The following ZNF469 variants were observed in gnomAD, a reference collection of about 807,000 sequenced individuals.
ZNF469 encodes zinc finger protein 469.
ZNF469 carries 1 observed loss-of-function variant against 1.0 expected under a neutral mutation model. The observed-to-expected ratio is 1.00, with a 90% CI of 0.35 to 4.73. The LOEUF (loss-of-function observed/expected upper bound fraction) is 4.73, where lower values mean the gene tolerates loss of function less well. Ranked by LOEUF, ZNF469 falls within the 30% of genes most tolerant of loss-of-function variation. The pLI is 0.16. For synonymous variants in ZNF469, 2,703 were observed against 2,363.4 expected, an observed-to-expected ratio of 1.14 and a Z score of -4.17; for missense variants, 6,100 against 5,356.3, an observed-to-expected ratio of 1.14 and a Z score of -4.33.
the ZNF469 span, among the ~76,000 whole-genome samples, chr16:88,165,084 C>A: frequency 6.6e-6 from 1 of 152,250 alleles, no homozygotes; most frequent in African/African-American, 2.4e-5. Flanking sequence ...GTGTGCCTTT[C>A]ATCCCCTTCA....
rs201834513 is a variant in ZNF469 at position 88,438,895 on chromosome 16, G to A, written c.11425G>A (p.Glu3809Lys). The A allele has an allele frequency of 1.3e-3, 1,967 of 1,550,462 alleles. 2 individuals carry two copies. Among genetic ancestry groups the A allele is most frequent in the Non-Finnish European group, 1.7e-3 (1,895 of 1,146,992 alleles). The change falls in exon 3 of 3, where the codon GAG (glutamate) becomes AAG (lysine). Residue 3809 changes from glutamate to lysine, a missense_variant. Transcript: ENST00000565624. ...GCCCCACGGGAGCCTAGGTCCCAAG[G>A]AGAAGGGAGAGAGCAGTACGAAGAG... The part of the protein sequence containing the change: ...QGPHGSLGPK[E>K]KGESSTKRKK...
the ZNF469 span, among the ~76,000 whole-genome samples, chr16:88,181,197 A>C: frequency 5.3e-5 from 8 of 151,978 alleles, no homozygotes; most frequent in Non-Finnish European, 1.5e-5. Flanking sequence ...CAGCCTCCCG[A>C]ATAGCTGGGA....
the ZNF469 span, among the ~76,000 whole-genome samples, chr16:88,232,939 G>A: frequency 6.6e-6 from 1 of 152,228 alleles, no homozygotes; most frequent in South Asian, 2.1e-4. Flanking sequence ...CCGCCGCCTA[G>A]CAGGCCTGCA....
At chr16:88,400,408 G>T (rs527842189) in intron 1 of ZNF469, among the ~76,000 whole-genome samples, 2 of 152,348 alleles carry the variant, frequency 1.3e-5, no homozygotes, top group East Asian at 3.9e-4. Context: ...GGCCCTGCCG[G>T]CTCACACCTG....
At chr16:88,173,682 T>C in the ZNF469 span, among the ~76,000 whole-genome samples, 1 of 152,168 alleles carries the variant, frequency 6.6e-6, no homozygotes, top group Non-Finnish European at 1.5e-5. Context: ...TCTATGACAA[T>C]AATAGCACAA....
chr16:88,370,845 G>T, the ZNF469 span, among the ~76,000 whole-genome samples: 4 of 152,230 alleles, frequency 2.6e-5, no homozygotes, highest in South Asian at 2.1e-4. Context: ...TAGCAAGTGC[G>T]ATGCAAGTAG....
the ZNF469 span, among the ~76,000 whole-genome samples, chr16:88,337,727 G>A: frequency 2.0e-5 from 3 of 152,298 alleles, no homozygotes; most frequent in Non-Finnish European, 2.9e-5. Flanking sequence ...GGGGCAGCTC[G>A]CCGCAGCTGT....
chr16:88,329,990 G>A, the ZNF469 span, among the ~76,000 whole-genome samples: 10 of 152,344 alleles, frequency 6.6e-5, no homozygotes, highest in East Asian at 1.5e-3. Flanking sequence ...CTGGGTACAG[G>A]CAGAGTGGAA....
At chr16:88,118,255 T>C in the ZNF469 span, among the ~76,000 whole-genome samples, 1 of 152,242 alleles carries the variant, frequency 6.6e-6, no homozygotes, top group Non-Finnish European at 1.5e-5. Context: ...TATCTTTTCA[T>C]TGAAATCTTG....
chr16:88,329,980 C>T, the ZNF469 span, among the ~76,000 whole-genome samples: 1 of 152,244 alleles, frequency 6.6e-6, no homozygotes, highest in Non-Finnish European at 1.5e-5. Flanking sequence ...CACAGGGTGC[C>T]TGGGTACAGG....
chr16:88,135,677 G>A, the ZNF469 span, among the ~76,000 whole-genome samples: 27 of 151,890 alleles, frequency 1.8e-4, no homozygotes, highest in East Asian at 4.5e-3. Context: ...CAGCAACAGC[G>A]GCTTGGTGCT....
At chr16:88,407,692 C>T (rs1231025696) in intron 1 of ZNF469, among the ~76,000 whole-genome samples, 1 of 152,212 alleles carries the variant, frequency 6.6e-6, no homozygotes, top group Non-Finnish European at 1.5e-5. Context: ...CTAGATGGTT[C>T]CTAGCCCCCA....
chr16:88,361,018 A>G, the ZNF469 span, among the ~76,000 whole-genome samples: 240 of 152,278 alleles, frequency 1.6e-3, 2 homozygotes, highest in African/African-American at 5.5e-3. Flanking sequence ...TAATTATACA[A>G]CTCACCATAA....
chr16:88,436,324 G>C lies in ZNF469; in HGVS notation c.8854G>C (p.Asp2952His). Residue 2952 changes from aspartate to histidine, a missense_variant, in exon 3 of 3, where the codon GAC becomes CAC. Physicochemically the swap from Asp to His is moderately conservative, Grantham distance 81 (BLOSUM62 -1). Coordinates refer to ENST00000565624, the MANE Select transcript of ZNF469 (RefSeq NM_001367624.2). ...GFLNSRVPGI[D>H]PWAPGLSLWA... ...CCTCAATAGCAGGGTGCCTGGCATT[G>C]ACCCCTGGGCCCCCGGCCTCAGCCT... is the stretch of plus-strand genomic sequence containing the variant. 1 of 1,549,628 alleles carries C rather than the reference G, an allele frequency of 6.5e-7. No homozygotes were observed. The highest frequency in any genetic ancestry group is 1.4e-5 in the African/African-American group (1 of 73,166).
Position 88,436,793 on chromosome 16 carries a change from C to T in ZNF469, c.9323C>T (p.Ala3108Val), listed in dbSNP as rs1447605963. The T allele has an allele frequency of 5.2e-6, 8 of 1,543,796 alleles. No homozygotes were observed. The highest frequency in any genetic ancestry group is 7.0e-6 in the Non-Finnish European group (8 of 1,146,130). Residue 3108 changes from alanine to valine, a missense_variant, in exon 3 of 3, where the codon GCC (alanine) becomes GTC (valine). Ala to Val is a moderately conservative substitution (Grantham distance 64). Transcript: ENST00000565624. ...AGGGCCCAAGGCAGAGGCCGGCCGG[C>T]CAAGGGCAGGCGGGCCTCCTACAAG... is the stretch of plus-strand genomic sequence containing the variant. ...AGRAQGRGRPAKGRRASYKCK... is the reference protein window; with the variant it reads ...AGRAQGRGRPVKGRRASYKCK...
chr16:88,417,658 T>C (rs1055638149), intron 1 of ZNF469, among the ~76,000 whole-genome samples: 5 of 152,216 alleles, frequency 3.3e-5, no homozygotes, highest in Admixed American at 1.3e-4. Context: ...AATGTGCTGA[T>C]GGAGGCAGCT....
At chr16:88,212,275 T>C in the ZNF469 span, among the ~76,000 whole-genome samples, 11 of 152,380 alleles carry the variant, frequency 7.2e-5, no homozygotes, top group Non-Finnish European at 1.3e-4. Flanking sequence ...ATAGGTCTTC[T>C]ATCTCAGGTC....
At chr16:88,306,677 C>T in the ZNF469 span, among the ~76,000 whole-genome samples, 1 of 152,134 alleles carries the variant, frequency 6.6e-6, no homozygotes, top group South Asian at 2.1e-4. Flanking sequence ...CGCCTCCAGG[C>T]CAGGCGTGGA....
chr16:88,250,554 C>T, the ZNF469 span, among the ~76,000 whole-genome samples: 1 of 152,146 alleles, frequency 6.6e-6, no homozygotes, highest in African/African-American at 2.4e-5. Context: ...GTCATTTCTT[C>T]ACGTATTTTT....
Sources: gnomAD v4.1 joint callset for allele counts (sites outside exome capture counted in the v4.1 genomes callset) on GRCh38, gnomAD v4.1.1 for gene constraint, MANE v1.5 for transcripts, NCBI Gene and HGNC (gene_info 2026-07-23, HGNC 2026-07-21) for gene names.